The following SNAP91 variants were observed in gnomAD, a reference collection of about 807,000 sequenced individuals.
SNAP91 encodes synaptosome associated protein 91.
A neutral mutation model predicts 100.3 loss-of-function variants in SNAP91; 27 were observed. The observed-to-expected ratio is 0.27, with a 90% CI of 0.20 to 0.37. The LOEUF (loss-of-function observed/expected upper bound fraction) is 0.37. Among genes scored for constraint, SNAP91 ranks in the 10% least tolerant of loss-of-function variants. SNAP91 has a pLI of 1.00. For missense variants in SNAP91, 986 were observed against 1,123.7 expected (o/e 0.88, Z 1.75); for synonymous variants, 404 against 398.6 (o/e 1.01, Z -0.16).
intron 7 of SNAP91, among the ~76,000 whole-genome samples, chr6:83,642,468 C>T (rs1179890994): frequency 6.6e-6 from 1 of 152,134 alleles, no homozygotes; most frequent in Non-Finnish European, 1.5e-5. Flanking sequence ...CAATAGTTTG[C>T]TGAGAATGAT....
At chr6:83,584,250 A>T (rs1288337697) in intron 22 of SNAP91, among the ~76,000 whole-genome samples, 1 of 152,154 alleles carries the variant, frequency 6.6e-6, no homozygotes, top group Non-Finnish European at 1.5e-5. Context: ...TTGACTCTTG[A>T]CTTCTTAAAA....
intron 8 of SNAP91, 67 bp from the exon 9 acceptor site, chr6:83,623,409 T>TC: frequency 8.9e-7 from 1 of 1,123,798 alleles, no homozygotes; most frequent in Non-Finnish European, 1.3e-6. Flanking sequence ...TAATGGAAGA[T>TC]CACCTACACA....
chr6:83,569,850 CCTT>C (rs1803482967), intron 26 of SNAP91, among the ~76,000 whole-genome samples: 1 of 152,202 alleles, frequency 6.6e-6, no homozygotes. Context: ...ACTTGCTCCT[CCTT>C]ATCTTCCACC....
intron 3 of SNAP91, among the ~76,000 whole-genome samples, chr6:83,662,963 T>C (rs891427270): frequency 4.6e-5 from 7 of 152,150 alleles, no homozygotes; most frequent in African/African-American, 1.4e-4. Context: ...GCTCACTTTG[T>C]GTCACATTTT....
intron 9 of SNAP91, among the ~76,000 whole-genome samples, chr6:83,619,481 AT>A (rs1355985934): frequency 5.5e-4 from 84 of 152,190 alleles, no homozygotes; most frequent in Non-Finnish European, 1.0e-4. Flanking sequence ...AAGGAATTTA[AT>A]ATAACAAAAT....
chr6:83,665,673 T>C (rs2098667450), intron 2 of SNAP91, 92 bp from the exon 3 acceptor site: 4 of 1,132,424 alleles, frequency 3.5e-6, no homozygotes, highest in Non-Finnish European at 5.0e-6. Context: ...TTTACTAATA[T>C]ATGACCTTAA....
At chr6:83,597,348 G>C (rs916533745) in intron 16 of SNAP91, among the ~76,000 whole-genome samples, 2 of 152,144 alleles carry the variant, frequency 1.3e-5, no homozygotes, top group Admixed American at 6.5e-5. Flanking sequence ...ATTTGAATTT[G>C]TTAAAAAATA....
chr6:83,560,914 G>A lies in SNAP91; in HGVS notation c.2476C>T (p.Pro826Ser), dbSNP rs780980872. ...GAVPPTSSVP[P>S]VAGAPSVGQP... ...CCAACCGATGGGGCCCCGGCAACAGGAGGAACTGAACTGGTTGGAGGTACA... is the reference window on the plus strand; with the variant it reads ...CCAACCGATGGGGCCCCGGCAACAGAAGGAACTGAACTGGTTGGAGGTACA... The change falls in exon 27 of 30, where the codon CCT (proline) becomes TCT (serine). Residue 826 changes from proline (P) to serine (S), a missense_variant. Around this residue, in one of 4 missense-constraint regions of SNAP91, gnomAD observed 575 missense variants for 579.9 expected, o/e 0.99. Transcript: ENST00000369694. 1.1e-5 allele frequency: 17 copies of A among 1,613,670 alleles called. No homozygotes were observed. The highest frequency in any genetic ancestry group is 1.7e-5 in the Admixed American group (1 of 59,952).
intron 27 of SNAP91, among the ~76,000 whole-genome samples, 179 bp from the exon 28 acceptor site, chr6:83,560,387 G>A (rs546674246): frequency 3.9e-5 from 6 of 152,184 alleles, no homozygotes; most frequent in African/African-American, 1.2e-4. Context: ...GGAGAGAGTC[G>A]CTAAGGTGGG....
chr6:83,558,357 A>G (rs1016561397), intron 28 of SNAP91, among the ~76,000 whole-genome samples: 5 of 152,210 alleles, frequency 3.3e-5, no homozygotes, highest in African/African-American at 9.6e-5. Context: ...CCTAACCTCA[A>G]CCATTATACC....
intron 26 of SNAP91, among the ~76,000 whole-genome samples, chr6:83,566,456 A>AGAG (rs2127965890): frequency 6.6e-6 from 1 of 152,306 alleles, no homozygotes; most frequent in East Asian, 1.9e-4. Context: ...GGTAGGTGGT[A>AGAG]GGCTATTTAC....
In SNAP91 at chr6:83,593,557, G is replaced by A; in HGVS notation, c.1617C>T (p.Ala539=). ...VAAAAAATTA[A]TAAATTTTTT... ...TGGTAGTGGTGGTGGCAGCGGCGGT[G>A]GCAGCAGTAGTGGCAGCAGCAGCAG... is the stretch of plus-strand genomic sequence containing the variant. The change falls in exon 18 of 30, where the codon GCC becomes GCT. Residue 539 remains alanine (A), a synonymous_variant. Coordinates refer to ENST00000369694, the MANE Select transcript of SNAP91 (RefSeq NM_001242792.2). 4 of 1,554,550 alleles carry A rather than the reference G, an allele frequency of 2.6e-6. No individual in the cohort carries two copies. The East Asian group carries it at 9.7e-5, about 38-fold the overall frequency.
intron 9 of SNAP91, among the ~76,000 whole-genome samples, chr6:83,618,596 A>G (rs773235120): frequency 2.6e-5 from 4 of 151,986 alleles, no homozygotes; most frequent in African/African-American, 7.2e-5. Flanking sequence ...AAGAATGTAC[A>G]TAGTAACATT....
intron 24 of SNAP91, among the ~76,000 whole-genome samples, chr6:83,576,790 CT>C (rs1562176355): frequency 6.6e-6 from 1 of 152,178 alleles, no homozygotes; most frequent in Non-Finnish European, 1.5e-5. Flanking sequence ...CTTCTAGTGG[CT>C]CTGTGAATCC....
intron 7 of SNAP91, among the ~76,000 whole-genome samples, chr6:83,644,021 T>C (rs557643376): frequency 1.3e-5 from 2 of 152,208 alleles, no homozygotes; most frequent in African/African-American, 2.4e-5. Context: ...TGGCAAAACA[T>C]ACTTTTTGTT....
rs751716032 is a variant in SNAP91, at chr6:83,592,407, C to T, written c.1930+48G>A. 16 of 1,254,180 alleles carry T rather than the reference C, an allele frequency of 1.3e-5. No individual in the cohort carries two copies. In the South Asian group the frequency reaches 2.5e-4, roughly 19 times the overall value. The allele number at this position is 1,254,180 out of a possible 1,614,324, so 77.7% of individuals were successfully genotyped here. A position where few individuals can be genotyped will look rare whatever the true frequency, so the allele number is the denominator to read the frequency against. ...TAATAAAATAGATTTAAAAATTATT[C>T]TGAAGAAAAAAAGATTCCTTAAGTG... On this transcript the variant is annotated intron_variant, in intron 21 of 29. Transcript: ENST00000369694.
At chr6:83,582,168 C>T in intron 23 of SNAP91, 54 bp downstream of exon 23, 2 of 1,588,954 alleles carry the variant, frequency 1.3e-6, no homozygotes, top group Non-Finnish European at 1.7e-6. Flanking sequence ...TTAGGTAGTA[C>T]TTTTTTTTAT....
chr6:83,640,935 C>G (rs217325), intron 8 of SNAP91, among the ~76,000 whole-genome samples, 161 bp downstream of exon 8: 114,476 of 151,904 alleles, frequency 0.75, 43,559 homozygotes, highest in East Asian at 0.96. Context: ...AGTTGGATGA[C>G]ACGACTTCCA....
At chr6:83,686,269 G>T in intron 2 of SNAP91, 10 of 817,878 alleles carry the variant, frequency 1.2e-5, no homozygotes, top group Non-Finnish European at 1.5e-5. Context: ...GTAATAGTTG[G>T]TTACTCAGTT....
Sources: allele counts gnomAD v4.1 joint callset (sites outside exome capture counted in the v4.1 genomes callset), GRCh38; gene constraint gnomAD v4.1.1; regional missense constraint gnomAD v4.1.1; transcripts MANE v1.5; gene names NCBI Gene and HGNC (gene_info 2026-07-23, HGNC 2026-07-21).